Variants in CDH1 observed in about 807,000 individuals in gnomAD.
CDH1 encodes cadherin 1, also known as cadherin-1.
A neutral mutation model predicts 84.5 loss-of-function variants in CDH1; 35 were observed. The observed-to-expected ratio is 0.41, with a 90% CI of 0.32 to 0.55. The LOEUF is 0.55. CDH1 is among the 20% of genes least tolerant of loss of function. The probability of loss-of-function intolerance (pLI) is 0.19; values close to 1 mark genes in which losing one functional copy is unlikely to be tolerated. For synonymous variants in CDH1, 417 were observed against 439.0 expected, an observed-to-expected ratio of 0.95 and a Z score of 0.63; for missense variants, 994 against 1,126.6, an observed-to-expected ratio of 0.88 and a Z score of 1.68.
chr16:68,808,955 C>G (rs1960747526), intron 5 of CDH1, 107 bp downstream of exon 5: 2 of 988,698 alleles, frequency 2.0e-6, no homozygotes, highest in African/African-American at 3.2e-5. Flanking sequence ...ACATGAGGAG[C>G]TTAACTTGAC....
intron 2 of CDH1, among the ~76,000 whole-genome samples, chr16:68,784,876 G>C (rs546077787): frequency 1.3e-5 from 2 of 151,306 alleles, no homozygotes; most frequent in East Asian, 3.9e-4. Flanking sequence ...AGTTTCTCAG[G>C]AGGGTGAGGC....
In CDH1 at chr16:68,801,790, A is replaced by G. The variant is rs1960514915; in HGVS notation, c.284A>G (p.Gln95Arg). Reference protein sequence around the residue: ...VKRPLRFHNPQIHFLVYAWDS... With the variant: ...VKRPLRFHNPRIHFLVYAWDS... ...AGGCCTCTACGGTTTCATAACCCAC[A>G]GATCCATTTCTTGGTCTACGCCTGG... is the stretch of plus-strand genomic sequence containing the variant. Residue 95 changes from glutamine (Q) to arginine (R), a missense_variant, in exon 3 of 16, where the codon CAG becomes CGG. Coordinates refer to ENST00000261769, the MANE Select transcript of CDH1 (RefSeq NM_004360.5). 6.2e-7 allele frequency: 1 copy of G among 1,614,234 alleles called. No individual in the cohort carries two copies. Among genetic ancestry groups the G allele is most frequent in the Non-Finnish European group, 8.5e-7 (1 of 1,180,034 alleles).
intron 4 of CDH1, 31 bp from the exon 5 acceptor site, chr16:68,808,662 A>T (rs1960734145): frequency 1.2e-6 from 2 of 1,613,632 alleles, no homozygotes; most frequent in African/African-American, 1.3e-5. Flanking sequence ...ATCCTTCTTT[A>T]CTAATTCTTT....
At chr16:68,800,125 A>G (rs1960458371) in intron 2 of CDH1, among the ~76,000 whole-genome samples, 1 of 151,766 alleles carries the variant, frequency 6.6e-6, no homozygotes, top group African/African-American at 2.4e-5. Context: ...AGACTGGTTG[A>G]GTCCAGGAGT....
intron 12 of CDH1, chr16:68,823,132 C>T (rs1382261115): frequency 6.5e-6 from 3 of 459,120 alleles, no homozygotes; most frequent in African/African-American, 4.0e-5. Context: ...CTGAAGAGCC[C>T]CGCTCTGCCT....
intron 2 of CDH1, among the ~76,000 whole-genome samples, chr16:68,748,966 A>T (rs1962819130): frequency 6.6e-6 from 1 of 152,168 alleles, no homozygotes; most frequent in Non-Finnish European, 1.5e-5. Context: ...CACCCTCCTG[A>T]GTAGCTGAGT....
chr16:68,757,238 G>A (rs900666713), intron 2 of CDH1, among the ~76,000 whole-genome samples: 15 of 151,948 alleles, frequency 9.9e-5, no homozygotes, highest in African/African-American at 2.9e-4. Context: ...ATAGGCCAGC[G>A]CCACCATGCC....
intron 2 of CDH1, among the ~76,000 whole-genome samples, chr16:68,773,584 C>G (rs1959645491): frequency 6.6e-6 from 1 of 152,252 alleles, no homozygotes; most frequent in Non-Finnish European, 1.5e-5. Context: ...CAGGCGTGAG[C>G]CAGTGCACCC....
At chr16:68,758,548 C>T (rs547645029) in intron 2 of CDH1, among the ~76,000 whole-genome samples, 4 of 151,706 alleles carry the variant, frequency 2.6e-5, no homozygotes, top group South Asian at 2.1e-4. Context: ...TGATTGTGCC[C>T]GTGAATAGTT....
In CDH1 at chr16:68,754,625, A is replaced by T. The variant is rs1041579877; in HGVS notation, c.163+16214A>T. On this transcript the variant is annotated intron_variant, in intron 2 of 15. Coordinates refer to ENST00000261769, the MANE Select transcript of CDH1 (RefSeq NM_004360.5). ...AAGTCTGTGCTCTTTATAGCAGGAA[A>T]AGGCAACTCACAGAACAGTCTGTGA... Among the ~76,000 whole-genome samples, 5 of 152,246 alleles carry T rather than the reference A, an allele frequency of 3.3e-5. No individual in the cohort carries two copies. The East Asian group carries it at 7.7e-4, about 24-fold the overall frequency.
intron 13 of CDH1, among the ~76,000 whole-genome samples, chr16:68,824,292 C>T (rs1484482781): frequency 2.0e-5 from 3 of 152,242 alleles, no homozygotes; most frequent in Non-Finnish European, 2.9e-5. Flanking sequence ...CCACCGCACC[C>T]GGCCAGATTC....
rs552196422 is a variant in CDH1, at chr16:68,744,797, A to G, written c.163+6386A>G. ...ATGGTATGTCAAGCGTTCAGTGAAT[A>G]TGAAATATTAGAGCCCCAGGAGGAC... On this transcript the variant is annotated intron_variant, in intron 2 of 15. Coordinates refer to ENST00000261769, the MANE Select transcript of CDH1 (RefSeq NM_004360.5). Among the ~76,000 whole-genome samples the G allele has an allele frequency of 3.3e-5, 5 of 152,312 alleles. No homozygotes were observed. In the South Asian group the frequency reaches 1.0e-3, roughly 32 times the overall value.
Position 68,761,851 on chromosome 16 carries a change from C to G in CDH1, c.163+23440C>G, listed in dbSNP as rs35570190. Among the ~76,000 whole-genome samples, 415 of 152,268 alleles carry G rather than the reference C, an allele frequency of 2.7e-3. 1 individual carries two copies. Among genetic ancestry groups the G allele is most frequent in the African/African-American group, 9.4e-3 (390 of 41,560 alleles). On this transcript the variant is annotated intron_variant, in intron 2 of 15. Transcript: ENST00000261769. Reference sequence around the variant, plus strand: ...AAGGGCAAGGTCAGTGATCAAGGGGCAGGGGCTGGCAGAAGGGCAGAGGGG... The same window carrying G: ...AAGGGCAAGGTCAGTGATCAAGGGGGAGGGGCTGGCAGAAGGGCAGAGGGG...
intron 11 of CDH1, among the ~76,000 whole-genome samples, chr16:68,819,704 C>A (rs1338805105): frequency 6.6e-6 from 1 of 152,094 alleles, no homozygotes; most frequent in Non-Finnish European, 1.5e-5. Flanking sequence ...CCCCTTGGAC[C>A]CTTCCCAGCT....
chr16:68,835,087 A>G lies in CDH1; in HGVS notation c.*1588A>G, dbSNP rs1961601373. 1 of 231,902 alleles carries G rather than the reference A, an allele frequency of 4.3e-6. No homozygotes were observed. The highest frequency in any genetic ancestry group is 8.5e-6 in the Non-Finnish European group (1 of 117,250). 14.4% of individuals were successfully genotyped at this position (231,902 alleles called of 1,614,324 possible). ...CTGGCTGAGCTGAACACATTTGCCC[A>G]ATTCCAGGTGTGCACAGAAAACCGA... On this transcript the variant is annotated 3_prime_UTR_variant, in exon 16 of 16. Transcript: ENST00000261769.
intron 2 of CDH1, among the ~76,000 whole-genome samples, chr16:68,743,210 G>A (rs1483501620): frequency 2.0e-5 from 3 of 152,068 alleles, no homozygotes; most frequent in East Asian, 1.9e-4. Context: ...TGAAGCTCTC[G>A]TATCTCCCAG....
chr16:68,756,179 GTACT>G (rs1293173940), intron 2 of CDH1, among the ~76,000 whole-genome samples: 1 of 150,642 alleles, frequency 6.6e-6, no homozygotes, highest in African/African-American at 2.5e-5. Flanking sequence ...CTAGGACCTG[GTACT>G]TACTTTGGAA....
chr16:68,815,119 A>C (rs1397076071), intron 9 of CDH1, among the ~76,000 whole-genome samples: 1 of 151,800 alleles, frequency 6.6e-6, no homozygotes, highest in Non-Finnish European at 1.5e-5. Context: ...CCCAGCTACT[A>C]GGGAGGCTGA....
At position 68,812,142 on chromosome 16, in the gene CDH1, C is replaced by A; in HGVS notation, c.1016C>A (p.Pro339His). 1 of 1,614,122 alleles carries A rather than the reference C, an allele frequency of 6.2e-7. No homozygotes were observed. The highest frequency in any genetic ancestry group is 1.1e-5 in the South Asian group (1 of 91,060). Residue 339 changes from proline (P) to histidine (H), a missense_variant, in exon 8 of 16, where the codon CCT (proline) becomes CAT (histidine). Coordinates refer to ENST00000261769, the MANE Select transcript of CDH1 (RefSeq NM_004360.5). The stretch of plus-strand genomic sequence containing the variant: ...GTGTCGATCTCTCTGCAGAGTTTCC[C>A]TACGTATACCCTGGTGGTTCAAGCT... ...VTTGLDRESF[P>H]TYTLVVQAAD...
Sources: gnomAD v4.1 joint callset for allele counts (sites outside exome capture counted in the v4.1 genomes callset) on GRCh38, gnomAD v4.1.1 for gene constraint, MANE v1.5 for transcripts, NCBI Gene and HGNC (gene_info 2026-07-23, HGNC 2026-07-21) for gene names.